The following ACSS1 variants were observed in gnomAD, a reference collection of about 807,000 sequenced individuals.
ACSS1 encodes the protein acyl-CoA synthetase short chain family member 1.
ACSS1 carries 42 observed loss-of-function variants against 75.3 expected under a neutral mutation model. The observed-to-expected ratio is 0.56, with a 90% CI of 0.44 to 0.72. The LOEUF (loss-of-function observed/expected upper bound fraction) is 0.72, where lower values mean the gene tolerates loss of function less well. Among genes scored for constraint, ACSS1 ranks in the 30% least tolerant of loss-of-function variants. The probability of loss-of-function intolerance (pLI) is 0.00; values close to 1 mark genes in which losing one functional copy is unlikely to be tolerated. For missense variants in ACSS1, 782 were observed against 935.7 expected, an observed-to-expected ratio of 0.84 and a Z score of 2.14; for synonymous variants, 380 against 376.8, an observed-to-expected ratio of 1.01 and a Z score of -0.10.
intron 2 of ACSS1, among the ~76,000 whole-genome samples, chr20:25,031,562 A>G (rs754826703): frequency 4.6e-5 from 7 of 152,206 alleles, no homozygotes; most frequent in Admixed American, 1.3e-4. Flanking sequence ...TTTTACATAG[A>G]TAAGACCCCT....
chr20:25,032,530 C>G, intron 2 of ACSS1: 1 of 1,256,882 alleles, frequency 8.0e-7, no homozygotes, highest in Middle Eastern at 2.0e-4. Context: ...AGAGCTAACA[C>G]AGAACGAAGA....
chr20:25,037,769 G>A (rs566404614), intron 2 of ACSS1, among the ~76,000 whole-genome samples: 64 of 152,306 alleles, frequency 4.2e-4, no homozygotes, highest in Admixed American at 7.8e-4. Flanking sequence ...GGAAGGCCAC[G>A]CAAAGCATGG....
At chr20:25,015,770 G>A (rs561475989) in intron 7 of ACSS1, among the ~76,000 whole-genome samples, 2 of 152,334 alleles carry the variant, frequency 1.3e-5, no homozygotes, top group Admixed American at 6.5e-5. Context: ...CAGTAAGAAT[G>A]TGGGGAAAAC....
chr20:25,028,815 G>A (rs2088773551), intron 3 of ACSS1, among the ~76,000 whole-genome samples: 1 of 152,150 alleles, frequency 6.6e-6, no homozygotes, highest in Admixed American at 6.5e-5. Flanking sequence ...AGCTACTCGG[G>A]AGGCTGAGGT....
At position 25,023,106 on chromosome 20, in the gene ACSS1, G is replaced by A. The variant is rs200267758; in HGVS notation, c.808-14C>T. The stretch of plus-strand genomic sequence containing the variant: ...CTTGGCCATTTCCTGGCAGGGAGAA[G>A]AAACAAACAGCCCACCGAGGGCACT... On this transcript the variant is annotated splice_polypyrimidine_tract_variant and intron_variant, in intron 4 of 13. Coordinates refer to ENST00000323482, the MANE Select transcript of ACSS1 (RefSeq NM_032501.4). The A allele has an allele frequency of 8.7e-5, 140 of 1,607,548 alleles. No homozygotes were observed. Among genetic ancestry groups the A allele is most frequent in the Non-Finnish European group, 1.1e-4 (135 of 1,176,482 alleles).
chr20:25,020,194 T>G (rs776412410), intron 6 of ACSS1, 47 bp from the exon 7 acceptor site: 7 of 1,611,378 alleles, frequency 4.3e-6, no homozygotes, highest in Non-Finnish European at 5.1e-6. Context: ...CTGACATGGT[T>G]TACTTTAAAC....
intron 4 of ACSS1, 68 bp downstream of exon 4, chr20:25,023,398 C>A: frequency 1.3e-6 from 2 of 1,584,970 alleles, no homozygotes; most frequent in South Asian, 1.1e-5. Flanking sequence ...AACCACAACC[C>A]GAGAAGCCTC....
At chr20:25,030,693 C>T (rs2088806514) in intron 3 of ACSS1, 66 bp downstream of exon 3, 1 of 1,575,050 alleles carries the variant, frequency 6.3e-7, no homozygotes, top group Non-Finnish European at 8.7e-7. Flanking sequence ...ACACTGATGG[C>T]CAGGCCCCCA....
At chr20:25,024,374 C>T (rs192735359) in intron 3 of ACSS1, among the ~76,000 whole-genome samples, 14 of 152,336 alleles carry the variant, frequency 9.2e-5, no homozygotes, top group African/African-American at 3.1e-4. Flanking sequence ...GTGTCCTCCA[C>T]GCTGTGCCCC....
In ACSS1 at chr20:25,021,345, C is replaced by G. The variant is rs762467198; in HGVS notation, c.1108+44G>C. ...AAGCCTCGAGCCTCAGGCTCTCTCC[C>G]CTGACACCAGCATGGGGTCCCAAAC... On this transcript the variant is annotated intron_variant, in intron 6 of 13. Coordinates refer to ENST00000323482, the MANE Select transcript of ACSS1 (RefSeq NM_032501.4). 5.6e-6 allele frequency: 9 copies of G among 1,602,636 alleles called. No homozygotes were observed. In the South Asian group the frequency reaches 9.0e-5, roughly 16 times the overall value.
In ACSS1 at chr20:25,058,086, A is replaced by C. The variant is rs546453283; in HGVS notation, c.17T>G (p.Leu6Arg). 2.9e-5 allele frequency: 36 copies of C among 1,254,814 alleles called. No individual in the cohort carries two copies. The East Asian group carries it at 6.5e-4, about 23-fold the overall frequency. 77.7% of individuals were successfully genotyped at this position (1,254,814 alleles called of 1,614,324 possible). A position where few individuals can be genotyped will look rare whatever the true frequency, so the allele number is the denominator to read the frequency against. The change falls in exon 1 of 14, where the codon CTG (leucine) becomes CGG (arginine). Residue 6 changes from leucine (L) to arginine (R), a missense_variant. By Grantham distance (102) the Leu-to-Arg change is moderately radical. Transcript: ENST00000323482. ...CAGCAGCCTCCCGACGCCGCGGCCC[A>C]GGGTGCGCGCCGCCATCTAGGCAGG... is the stretch of plus-strand genomic sequence containing the variant. MAART[L>R]GRGVGRLLGS...
At chr20:25,057,672 C>T (rs2089262496) in intron 1 of ACSS1, 97 bp downstream of exon 1, 7 of 1,285,490 alleles carry the variant, frequency 5.4e-6, no homozygotes, top group South Asian at 1.5e-5. Context: ...GGGCTGCGAT[C>T]CGCGCTGCCC....
intron 1 of ACSS1, among the ~76,000 whole-genome samples, chr20:25,053,554 G>A (rs141991290): frequency 8.2e-4 from 125 of 152,242 alleles, no homozygotes; most frequent in Non-Finnish European, 1.4e-3. Flanking sequence ...CCTTTTTCAT[G>A]TAGAGTTCCC....
At position 25,009,280 on chromosome 20, in the gene ACSS1, T is replaced by A; in HGVS notation, c.1880A>T (p.Asp627Val). The A allele has an allele frequency of 6.2e-7, 1 of 1,613,092 alleles. No individual in the cohort carries two copies. Among genetic ancestry groups the A allele is most frequent in the Non-Finnish European group, 8.5e-7 (1 of 1,178,994 alleles). ...GGGAGGCCCACTCACCAGGATCTCA[T>A]CAGGCACAGCATATTTGGCGATCTT... is the stretch of plus-strand genomic sequence containing the variant. ...ATKIAKYAVP[D>V]EILVVKRLPK... Residue 627 changes from aspartate to valine, a missense_variant, in exon 13 of 14, where the codon GAT becomes GTT. Asp to Val is a radical substitution (Grantham distance 152). This residue lies in a region of ACSS1 where 405 missense variants were observed against 552.6 expected (regional missense o/e 0.73). Coordinates refer to ENST00000323482, the MANE Select transcript of ACSS1 (RefSeq NM_032501.4).
At chr20:25,044,575 T>C (rs2089056189) in intron 2 of ACSS1, among the ~76,000 whole-genome samples, 1 of 152,110 alleles carries the variant, frequency 6.6e-6, no homozygotes, top group Non-Finnish European at 1.5e-5. Flanking sequence ...ACAGTACCAC[T>C]ACACTCCAGC....
intron 2 of ACSS1, among the ~76,000 whole-genome samples, chr20:25,036,248 T>C (rs958859531): frequency 6.6e-6 from 1 of 152,242 alleles, no homozygotes; most frequent in Non-Finnish European, 1.5e-5. Context: ...AATGTGGCCT[T>C]GTGTTCCTGG....
chr20:25,041,653 T>C (rs2089006733), intron 2 of ACSS1, among the ~76,000 whole-genome samples: 1 of 152,166 alleles, frequency 6.6e-6, no homozygotes, highest in Non-Finnish European at 1.5e-5. Context: ...CCATACAAAA[T>C]GTTAGCCTGG....
Position 25,006,711 on chromosome 20 carries a change from G to A in ACSS1, c.*1051C>T. On this transcript the variant is annotated 3_prime_UTR_variant, in exon 14 of 14. Transcript: ENST00000323482. Reference sequence around the variant, plus strand: ...CTGGCGTCGTGATTTCCATTATCTTGCTAATGTTGACAGCACCTAAGTCAC... The same window carrying A: ...CTGGCGTCGTGATTTCCATTATCTTACTAATGTTGACAGCACCTAAGTCAC... The A allele has an allele frequency of 8.7e-7, 1 of 1,154,120 alleles. No individual in the cohort carries two copies. The highest frequency in any genetic ancestry group is 2.6e-5 in the Admixed American group (1 of 38,894). 71.5% of individuals were successfully genotyped at this position (1,154,120 alleles called of 1,614,324 possible). A position where few individuals can be genotyped will look rare whatever the true frequency, so the allele number is the denominator to read the frequency against.
intron 7 of ACSS1, among the ~76,000 whole-genome samples, chr20:25,017,445 G>C (rs548941963): frequency 6.6e-6 from 1 of 152,328 alleles, no homozygotes; most frequent in Admixed American, 6.5e-5. Flanking sequence ...GCACTGCTCC[G>C]AGGTGCTGGG....
Sources: gnomAD v4.1 joint callset for allele counts (sites outside exome capture counted in the v4.1 genomes callset) on GRCh38, gnomAD v4.1.1 for gene constraint, gnomAD v4.1.1 regional missense constraint, MANE v1.5 for transcripts, NCBI Gene and HGNC (gene_info 2026-07-23, HGNC 2026-07-21) for gene names.